The following PPP1R16B variants were observed in gnomAD, a reference collection of about 807,000 sequenced individuals.
PPP1R16B encodes the protein protein phosphatase 1 regulatory subunit 16B.
PPP1R16B carries 14 observed loss-of-function variants against 61.7 expected under a neutral mutation model. The observed-to-expected ratio is 0.23, with a 90% CI of 0.15 to 0.35. The LOEUF (loss-of-function observed/expected upper bound fraction) is 0.35, where lower values mean the gene tolerates loss of function less well. PPP1R16B is among the 10% of genes least tolerant of loss of function. The pLI is 1.00. For missense variants in PPP1R16B, 547 were observed against 752.5 expected, an observed-to-expected ratio of 0.73 and a Z score of 3.19; for synonymous variants, 266 against 305.3, an observed-to-expected ratio of 0.87 and a Z score of 1.34.
At chr20:38,835,240 G>C (rs370428803) in intron 1 of PPP1R16B, among the ~76,000 whole-genome samples, 6 of 152,198 alleles carry the variant, frequency 3.9e-5, no homozygotes, top group Non-Finnish European at 7.3e-5. Context: ...AACAAAAGAG[G>C]CTTGAGCAGA....
intron 2 of PPP1R16B, among the ~76,000 whole-genome samples, chr20:38,865,817 C>G (rs2085086918): frequency 6.6e-6 from 1 of 152,194 alleles, no homozygotes; most frequent in Non-Finnish European, 1.5e-5. Context: ...CACCACTCAT[C>G]ACCTTGGCTT....
intron 2 of PPP1R16B, among the ~76,000 whole-genome samples, chr20:38,863,056 G>A (rs1487838738): frequency 2.6e-5 from 4 of 152,178 alleles, no homozygotes; most frequent in Admixed American, 6.5e-5. Context: ...GCTGGGTCAT[G>A]AAGCAGAGAG....
At position 38,922,744 on chromosome 20, in the gene PPP1R16B, A is replaced by G. The variant is rs1338198106; in HGVS notation, c.*4078A>G. On this transcript the variant is annotated 3_prime_UTR_variant, in exon 11 of 11. Coordinates refer to ENST00000299824, the MANE Select transcript of PPP1R16B (RefSeq NM_015568.4). ...ATGTGAAAAAAAATTAAAACTCTGT[A>G]TACTGTATCAGCAGCTTTGTGTAAA... is the stretch of plus-strand genomic sequence containing the variant. 6.5e-6 allele frequency: 1 copy of G among 152,702 alleles called. No individual in the cohort carries two copies. Among genetic ancestry groups the G allele is most frequent in the African/African-American group, 2.4e-5 (1 of 41,474 alleles). 9.5% of individuals were successfully genotyped at this position (152,702 alleles called of 1,614,324 possible).
chr20:38,879,587 CAAATATTT>C, intron 2 of PPP1R16B, among the ~76,000 whole-genome samples: 1 of 152,266 alleles, frequency 6.6e-6, no homozygotes, highest in Non-Finnish European at 1.5e-5. Context: ...ATTCAGTCAA[CAAATATTT>C]GTTGAGTGCT....
At chr20:38,901,829 A>C (rs2085396486) in intron 5 of PPP1R16B, among the ~76,000 whole-genome samples, 1 of 152,284 alleles carries the variant, frequency 6.6e-6, no homozygotes, top group South Asian at 2.1e-4. Flanking sequence ...TTAATTCATT[A>C]AACAATAAGA....
Position 38,918,142 on chromosome 20 carries a change from C to T in PPP1R16B, c.1195-15C>T. The T allele has an allele frequency of 6.2e-7, 1 of 1,611,792 alleles. No homozygotes were observed. Among genetic ancestry groups the T allele is most frequent in the Non-Finnish European group, 8.5e-7 (1 of 1,178,130 alleles). On this transcript the variant is annotated splice_polypyrimidine_tract_variant and intron_variant, in intron 10 of 10. Transcript: ENST00000299824. This position sits in a 1 kb window ranked among gnomAD's most constrained non-coding sequence, Gnocchi z 5.3. ...TCTTCCAGCCAGCTGGTAATGTTGT[C>T]CTTCTCACTCGCAGAACCCCAGGCT...
At chr20:38,915,117 C>T (rs1316183865) in intron 10 of PPP1R16B, among the ~76,000 whole-genome samples, 1 of 152,124 alleles carries the variant, frequency 6.6e-6, no homozygotes, top group Non-Finnish European at 1.5e-5. Flanking sequence ...TAGTGTGGTA[C>T]ATATGTTATC....
At chr20:38,894,108 CCCCCCGCA>C (rs963423936) in intron 3 of PPP1R16B, among the ~76,000 whole-genome samples, 27 of 151,920 alleles carry the variant, frequency 1.8e-4, no homozygotes, top group African/African-American at 6.0e-4. Flanking sequence ...AGCCACCGTC[CCCCCCGCA>C]CCCCCGCACC....
chr20:38,883,415 G>A (rs1351854923), intron 2 of PPP1R16B, among the ~76,000 whole-genome samples: 2 of 152,262 alleles, frequency 1.3e-5, no homozygotes, highest in African/African-American at 2.4e-5. Flanking sequence ...GAGATGGGCC[G>A]GCTCAGCCTC....
In PPP1R16B at chr20:38,913,272, T is replaced by A. The variant is rs184100133; in HGVS notation, c.1195-4885T>A. Among the ~76,000 whole-genome samples, 24 of 151,842 alleles carry A rather than the reference T, an allele frequency of 1.6e-4. No individual in the cohort carries two copies. In the East Asian group the frequency reaches 1.7e-3, roughly 11 times the overall value. On this transcript the variant is annotated intron_variant, in intron 10 of 10. Transcript: ENST00000299824. ...TATGTTTGTCATTGGTGTTTTTTTT[T>A]AATTTTTTTTAGATGGAATCTTGCT...
At chr20:38,908,968 C>T (rs1040677594) in intron 10 of PPP1R16B, among the ~76,000 whole-genome samples, 1 of 151,988 alleles carries the variant, frequency 6.6e-6, no homozygotes, top group Middle Eastern at 3.2e-3. Context: ...CCTTTTTCTT[C>T]GTGTGTGTGT....
intron 6 of PPP1R16B, among the ~76,000 whole-genome samples, 172 bp downstream of exon 6, chr20:38,902,964 A>C (rs949120234): frequency 1.3e-5 from 2 of 152,230 alleles, no homozygotes; most frequent in African/African-American, 4.8e-5. Context: ...AGCAGGGCTC[A>C]GCCTCTTTGA....
chr20:38,907,031 C>T lies in PPP1R16B; in HGVS notation c.875C>T (p.Thr292Ile). ...VSHGASLSAR[T>I]SMDEMPIDLC... ...CATGGAGCTAGTCTCAGTGCAAGGA[C>T]ATCCATGGATGAGATGCCAATAGGT... Residue 292 changes from threonine (T) to isoleucine (I), a missense_variant, in exon 8 of 11, where the codon ACA becomes ATA. Coordinates refer to ENST00000299824, the MANE Select transcript of PPP1R16B (RefSeq NM_015568.4). This position sits in a 1 kb window ranked among gnomAD's most constrained non-coding sequence, Gnocchi z 4.5. 1 of 1,613,868 alleles carries T rather than the reference C, an allele frequency of 6.2e-7. No homozygotes were observed. Among genetic ancestry groups the T allele is most frequent in the South Asian group, 1.1e-5 (1 of 91,082 alleles).
At chr20:38,862,610 C>T (rs1340480110) in intron 2 of PPP1R16B, among the ~76,000 whole-genome samples, 2 of 152,126 alleles carry the variant, frequency 1.3e-5, no homozygotes, top group Non-Finnish European at 2.9e-5. Flanking sequence ...AAATTCCTGA[C>T]GTAATGGATG....
At chr20:38,902,922 C>T in intron 6 of PPP1R16B, 130 bp downstream of exon 6, 2 of 1,409,972 alleles carry the variant, frequency 1.4e-6, no homozygotes, top group Admixed American at 4.3e-5. Flanking sequence ...CCTTTTGGGC[C>T]AGGATTGCCC....
intron 2 of PPP1R16B, among the ~76,000 whole-genome samples, chr20:38,845,930 G>A (rs1159335528): frequency 1.3e-5 from 2 of 152,194 alleles, no homozygotes; most frequent in East Asian, 1.9e-4. Flanking sequence ...TCACAGTAGC[G>A]TAGGTGAGAG....
At chr20:38,893,641 C>CG (rs1568677552) in intron 3 of PPP1R16B, among the ~76,000 whole-genome samples, 1 of 151,906 alleles carries the variant, frequency 6.6e-6, no homozygotes, top group Non-Finnish European at 1.5e-5. Flanking sequence ...CCACCTCGGC[C>CG]GCAGCAGAGG....
intron 2 of PPP1R16B, among the ~76,000 whole-genome samples, chr20:38,839,886 G>A (rs1288534653): frequency 6.6e-6 from 1 of 152,220 alleles, no homozygotes; most frequent in Non-Finnish European, 1.5e-5. Context: ...TTATTTCCAT[G>A]TGCAAATGTT....
intron 1 of PPP1R16B, among the ~76,000 whole-genome samples, chr20:38,824,448 T>C (rs370591673): frequency 2.6e-5 from 4 of 152,356 alleles, no homozygotes; most frequent in Admixed American, 6.5e-5. Context: ...AAGATGGTTA[T>C]GGTTCCTTTA....
Sources: allele counts gnomAD v4.1 joint callset (sites outside exome capture counted in the v4.1 genomes callset), GRCh38; gene constraint gnomAD v4.1.1; non-coding constraint Gnocchi (gnomAD v3.1); transcripts MANE v1.5; gene names NCBI Gene and HGNC (gene_info 2026-07-23, HGNC 2026-07-21).